The following SUN5 variants were observed in gnomAD, a reference collection of about 807,000 sequenced individuals.
SUN5 encodes the protein SUN domain-containing protein 5.
In SUN5, 44 loss-of-function variants were observed where a neutral mutation model predicts 53.7. The ratio of observed to expected loss-of-function variants is 0.82; its 90% CI spans 0.64 to 1.05. The LOEUF (loss-of-function observed/expected upper bound fraction) is 1.05. Among genes scored for constraint, SUN5 ranks in the 50% least tolerant of loss-of-function variants. The probability of loss-of-function intolerance (pLI) is 0.00; values close to 1 mark genes in which losing one functional copy is unlikely to be tolerated. For synonymous variants in SUN5, 166 were observed against 179.8 expected (o/e 0.92, Z 0.62); for missense variants, 433 against 483.8 (o/e 0.90, Z 0.98).
In SUN5 at chr20:32,985,069, TGCTCAGCACAGGCA is replaced by T; in HGVS notation, c.984+16_984+29del. ...GACTGCACACTGTGCATTCAGCAGGTGCTCAGCACAGGCAGCTCTTCGCAGGTACCTGGAGTGGG... is the reference window on the plus strand; with the variant it reads ...GACTGCACACTGTGCATTCAGCAGGTGCTCTTCGCAGGTACCTGGAGTGGG... On this transcript the variant is annotated intron_variant, in intron 12 of 12. Transcript: ENST00000356173. 1 of 1,607,226 alleles carries T rather than the reference TGCTCAGCACAGGCA, an allele frequency of 6.2e-7. No homozygotes were observed. Among genetic ancestry groups the T allele is most frequent in the Non-Finnish European group, 8.5e-7 (1 of 1,173,946 alleles).
At chr20:33,003,075 G>A (rs1990096393) in intron 1 of SUN5, among the ~76,000 whole-genome samples, 156 bp from the exon 2 acceptor site, 1 of 152,242 alleles carries the variant, frequency 6.6e-6, no homozygotes. Context: ...AGGTCTGGCT[G>A]ACCCCAAATC....
chr20:32,999,923 C>A (rs1008032833), intron 5 of SUN5, 151 bp downstream of exon 5: 15 of 1,549,876 alleles, frequency 9.7e-6, no homozygotes, highest in South Asian at 1.2e-5. Flanking sequence ...TCATGGTCAT[C>A]ATTTCATTTC....
intron 4 of SUN5, 33 bp downstream of exon 4, chr20:33,001,179 C>A: frequency 6.4e-7 from 1 of 1,557,466 alleles, no homozygotes; most frequent in Admixed American, 1.9e-5. Flanking sequence ...TTTCCCACTC[C>A]CCATCCACCC....
In SUN5 at chr20:32,985,090, C is replaced by A. The variant is rs373346509; in HGVS notation, c.984+9G>T. The A allele has an allele frequency of 3.1e-6, 5 of 1,614,016 alleles. No homozygotes were observed. Among genetic ancestry groups the A allele is most frequent in the Admixed American group, 3.3e-5 (2 of 60,014 alleles). On this transcript the variant is annotated intron_variant, in intron 12 of 12. Transcript: ENST00000356173. ...CAGGTGCTCAGCACAGGCAGCTCTT[C>A]GCAGGTACCTGGAGTGGGAACATCT...
intron 8 of SUN5, among the ~76,000 whole-genome samples, chr20:32,995,303 C>A (rs1197015077): frequency 6.6e-6 from 1 of 152,116 alleles, no homozygotes; most frequent in Non-Finnish European, 1.5e-5. Context: ...AATAAGAGTG[C>A]CATTAGACTT....
chr20:32,998,416 C>T lies in SUN5; in HGVS notation c.341-729G>A, dbSNP rs548087201. Among the ~76,000 whole-genome samples, 21 of 152,024 alleles carry T rather than the reference C, an allele frequency of 1.4e-4. No homozygotes were observed. The South Asian group carries it at 4.4e-3, about 32-fold the overall frequency. The stretch of plus-strand genomic sequence containing the variant: ...CCGGGAGGCAGAGGTTGCAGTGAGC[C>T]GAGATCATGCTGCTGCATTCCAGCC... On this transcript the variant is annotated intron_variant, in intron 5 of 12. Transcript: ENST00000356173.
chr20:32,989,397 G>C (rs1029043571), intron 9 of SUN5, among the ~76,000 whole-genome samples: 8 of 151,958 alleles, frequency 5.3e-5, no homozygotes, highest in Admixed American at 3.9e-4. Context: ...AGGGCCTGTG[G>C]ATTCCCGTGT....
chr20:32,987,660 C>T lies in SUN5; in HGVS notation c.729G>A (p.Glu243=), dbSNP rs753156524. Residue 243 remains glutamate (E), a splice_region_variant and synonymous_variant, in exon 10 of 13, where the codon GAG becomes GAA. Coordinates refer to ENST00000356173, the MANE Select transcript of SUN5 (RefSeq NM_080675.4). The part of the protein sequence containing the change: ...NYAQPPDVIL[E]PNVTPGNCWA... ...TCCCATCTCCCGCCATCCCCCCTGCCTCAAGGATCACGTCTGGGGGCTGTG... is the reference window on the plus strand; with the variant it reads ...TCCCATCTCCCGCCATCCCCCCTGCTTCAAGGATCACGTCTGGGGGCTGTG... The T allele has an allele frequency of 1.9e-6, 3 of 1,603,630 alleles. No homozygotes were observed. The highest frequency in any genetic ancestry group is 2.6e-6 in the Non-Finnish European group (3 of 1,175,084).
At chr20:32,984,344 A>G (rs1012395282) in intron 12 of SUN5, among the ~76,000 whole-genome samples, 2 of 152,224 alleles carry the variant, frequency 1.3e-5, no homozygotes, top group East Asian at 3.8e-4. Flanking sequence ...AGAATCATTC[A>G]CAGAGGCAGC....
At chr20:32,985,295 C>A in intron 11 of SUN5, 110 bp from the exon 12 acceptor site, 1 of 937,440 alleles carries the variant, frequency 1.1e-6, no homozygotes, top group African/African-American at 1.6e-5. Flanking sequence ...AGCTCACTAC[C>A]TCTTTGGGCA....
At position 33,000,104 on chromosome 20, in the gene SUN5, TCTC is replaced by T. The variant is rs1327093059; in HGVS notation, c.307_309del (p.Glu103del). 1.2e-6 allele frequency: 2 copies of T among 1,608,440 alleles called. No individual in the cohort carries two copies. The highest frequency in any genetic ancestry group is 1.7e-6 in the Non-Finnish European group (2 of 1,178,354). Reference sequence around the variant, plus strand: ...GCACAGAGGAGCAGAATGCCTGTCTTCTCCATGAGCTTCTGGCACAGCAGCTTG... The same window carrying T: ...GCACAGAGGAGCAGAATGCCTGTCTTCATGAGCTTCTGGCACAGCAGCTTG... On this transcript the variant is annotated inframe_deletion, in exon 5 of 13. Transcript: ENST00000356173.
At chr20:33,000,477 C>T (rs1316171638) in intron 4 of SUN5, among the ~76,000 whole-genome samples, 1 of 152,186 alleles carries the variant, frequency 6.6e-6, no homozygotes, top group Non-Finnish European at 1.5e-5. Context: ...GTGGATATAT[C>T]TGCTGGAGTT....
intron 1 of SUN5, 60 bp downstream of exon 1, chr20:33,004,204 G>T: frequency 4.7e-6 from 7 of 1,485,292 alleles, no homozygotes; most frequent in Non-Finnish European, 6.3e-6. Context: ...GGACAGGGTG[G>T]AGGGGCAGCA....
Position 32,983,896 on chromosome 20 carries a change from C to G in SUN5, c.1038G>C (p.Trp346Cys). Residue 346 changes from tryptophan (W) to cysteine (C), a missense_variant, in exon 13 of 13, where the codon TGG (tryptophan) becomes TGC (cysteine). Physicochemically the swap from Trp to Cys is radical, Grantham distance 215. Coordinates refer to ENST00000356173, the MANE Select transcript of SUN5 (RefSeq NM_080675.4). Reference protein sequence around the residue: ...SAVKVKISSNWGNPGFTCLYR... With the variant: ...SAVKVKISSNCGNPGFTCLYR... ...ACAGGCAAGTGAAGCCTGGGTTCCC[C>G]CAGTTGCTTGAGATCTTCACCTTGA... The G allele has an allele frequency of 6.3e-7, 1 of 1,598,976 alleles. No homozygotes were observed. Among genetic ancestry groups the G allele is most frequent in the South Asian group, 1.1e-5 (1 of 87,312 alleles).
At chr20:33,001,641 TCCTCCCTCCCTCCCTC>T (rs71190887) in intron 3 of SUN5, among the ~76,000 whole-genome samples, 1 of 67,446 alleles carries the variant, frequency 1.5e-5, no homozygotes, top group Non-Finnish European at 3.1e-5. Context: ...TTCTTTCTTT[TCCTCCCTCCCTCCCTC>T]CCTCCCTCCC....
Position 32,988,376 on chromosome 20 carries a change from C to A in SUN5, c.614-601G>T, listed in dbSNP as rs533331333. Among the ~76,000 whole-genome samples, 10 of 152,210 alleles carry A rather than the reference C, an allele frequency of 6.6e-5. 1 individual carries two copies. The South Asian group carries it at 2.1e-3, about 32-fold the overall frequency. On this transcript the variant is annotated intron_variant, in intron 9 of 12. Transcript: ENST00000356173. ...GCCTGGTAGGGGTTTGCGTTGGGGG[C>A]AGCCTGCGGCCCATACTTTGCCTCC...
intron 11 of SUN5, 26 bp downstream of exon 11, chr20:32,985,700 TTAGCTAAGCA>T: frequency 6.2e-7 from 1 of 1,607,218 alleles, no homozygotes; most frequent in South Asian, 1.1e-5. Flanking sequence ...GGTTGTCCCT[TTAGCTAAGCA>T]TAGCTCCCTG....
chr20:32,985,072 T>G, intron 12 of SUN5, 27 bp downstream of exon 12: 1 of 1,610,114 alleles, frequency 6.2e-7, no homozygotes, highest in Non-Finnish European at 8.5e-7. Flanking sequence ...CAGCAGGTGC[T>G]CAGCACAGGC....
intron 12 of SUN5, 65 bp downstream of exon 12, chr20:32,985,034 C>T (rs1215887285): frequency 6.5e-7 from 1 of 1,543,162 alleles, no homozygotes; most frequent in Admixed American, 1.7e-5. Flanking sequence ...AGAGGGGGTC[C>T]CTGGGTACAG....
Sources: gnomAD v4.1 joint callset for allele counts (sites outside exome capture counted in the v4.1 genomes callset) on GRCh38, gnomAD v4.1.1 for gene constraint, MANE v1.5 for transcripts, NCBI Gene and HGNC (gene_info 2026-07-23, HGNC 2026-07-21) for gene names.